Variants in GARIN1B observed in about 807,000 individuals in gnomAD.
The protein encoded by GARIN1B is golgi associated RAB2 interactor 1B, also known as Golgi-associated RAB2 interactor protein 1B.
the GARIN1B span, chr7:128,713,972 C>A: frequency 5.2e-6 from 8 of 1,525,148 alleles, no homozygotes; most frequent in Admixed American, 3.9e-5. Flanking sequence ...TGATCTAATC[C>A]TTAGAGAATG....
At chr7:128,726,986 C>G in the GARIN1B span, 1 of 865,980 alleles carries the variant, frequency 1.2e-6, no homozygotes. Flanking sequence ...TTGCCATTGT[C>G]CTTCCATGCC....
chr7:128,714,123 G>A, the GARIN1B span: 2 of 1,536,100 alleles, frequency 1.3e-6, no homozygotes, highest in East Asian at 2.4e-5. Context: ...AGGACTGATG[G>A]AATTGGATGG....
At chr7:128,710,473 C>G in the GARIN1B span, among the ~76,000 whole-genome samples, 1 of 152,112 alleles carries the variant, frequency 6.6e-6, no homozygotes, top group Admixed American at 6.6e-5. Flanking sequence ...ATCAACATAA[C>G]TATTTTCTAT....
chr7:128,721,909 A>AT, the GARIN1B span, among the ~76,000 whole-genome samples: 5 of 151,898 alleles, frequency 3.3e-5, no homozygotes, highest in South Asian at 2.1e-4. Context: ...ACATGAATTG[A>AT]TTTTTTTTAA....
At chr7:128,715,515 CA>C in the GARIN1B span, 1 of 1,614,142 alleles carries the variant, frequency 6.2e-7, no homozygotes, top group Non-Finnish European at 8.5e-7. Context: ...AGATCCTATC[CA>C]ACCTTCCCTT....
At chr7:128,716,377 A>G in the GARIN1B span, among the ~76,000 whole-genome samples, 3 of 152,114 alleles carry the variant, frequency 2.0e-5, no homozygotes, top group Non-Finnish European at 4.4e-5. Context: ...AAGAGGATAC[A>G]TTTTTCAAAG....
At chr7:128,718,663 A>C in the GARIN1B span, among the ~76,000 whole-genome samples, 2 of 152,222 alleles carry the variant, frequency 1.3e-5, no homozygotes, top group Non-Finnish European at 2.9e-5. Context: ...AAACAAGCTC[A>C]GCAGGTGTAT....
the GARIN1B span, among the ~76,000 whole-genome samples, chr7:128,719,697 CTTTT>C: frequency 1.0e-5 from 1 of 99,018 alleles, no homozygotes; most frequent in East Asian, 2.5e-4. Context: ...TTTTGTTTTG[CTTTT>C]TTTTTTTTTT....
chr7:128,724,461 A>G, the GARIN1B span, among the ~76,000 whole-genome samples: 1 of 152,150 alleles, frequency 6.6e-6, no homozygotes, highest in Non-Finnish European at 1.5e-5. Flanking sequence ...CGTTTTCTTA[A>G]TATAGAGTCT....
chr7:128,723,170 CT>C, the GARIN1B span: 2 of 1,588,418 alleles, frequency 1.3e-6, no homozygotes, highest in Non-Finnish European at 1.7e-6. Context: ...CCTTAACCAC[CT>C]GGTTCTGCTT....
the GARIN1B span, among the ~76,000 whole-genome samples, chr7:128,729,036 G>A: frequency 6.6e-6 from 1 of 152,206 alleles, no homozygotes; most frequent in African/African-American, 2.4e-5. Flanking sequence ...TCTGGGACTT[G>A]AGAAAACAGC....
At chr7:128,710,983 C>T in the GARIN1B span, among the ~76,000 whole-genome samples, 1 of 152,064 alleles carries the variant, frequency 6.6e-6, no homozygotes, top group Non-Finnish European at 1.5e-5. Context: ...CTTTGCTTAC[C>T]TCTTTCGGTC....
chr7:128,719,697 CTTTTTTTTTT>C, the GARIN1B span, among the ~76,000 whole-genome samples: 3 of 99,022 alleles, frequency 3.0e-5, no homozygotes, highest in African/African-American at 1.2e-4. Flanking sequence ...TTTTGTTTTG[CTTTTTTTTTT>C]TTTTTTTTTT....
At chr7:128,723,092 G>A in the GARIN1B span, 11 of 1,365,984 alleles carry the variant, frequency 8.1e-6, no homozygotes, top group African/African-American at 1.6e-4. Context: ...GCTGCACTTT[G>A]GAAAATTTTG....
the GARIN1B span, among the ~76,000 whole-genome samples, chr7:128,721,789 C>G: frequency 6.6e-6 from 1 of 152,046 alleles, no homozygotes; most frequent in African/African-American, 2.4e-5. Context: ...AAAGAGTTTT[C>G]TTTCTTTTCT....
the GARIN1B span, chr7:128,729,972 C>G: frequency 1.2e-6 from 2 of 1,614,172 alleles, no homozygotes; most frequent in East Asian, 2.2e-5. Flanking sequence ...CATTCACGTA[C>G]GGAGAGTGGG....
the GARIN1B span, chr7:128,731,243 A>C: frequency 2.9e-5 from 26 of 905,766 alleles, no homozygotes; most frequent in East Asian, 7.2e-5. Flanking sequence ...GAGTCATCTC[A>C]CGGTGACAGC....
At chr7:128,710,665 T>G in the GARIN1B span, among the ~76,000 whole-genome samples, 1 of 150,974 alleles carries the variant, frequency 6.6e-6, no homozygotes, top group Non-Finnish European at 1.5e-5. Context: ...TGAGTTTTTC[T>G]TGTTTCTTTT....
At chr7:128,726,392 GCT>G in the GARIN1B span, among the ~76,000 whole-genome samples, 1 of 152,162 alleles carries the variant, frequency 6.6e-6, no homozygotes. Flanking sequence ...CAGACATTTA[GCT>G]CTTTCTTGTT....
Sources: gnomAD v4.1 joint callset for allele counts (sites outside exome capture counted in the v4.1 genomes callset) on GRCh38, gnomAD v4.1.1 for gene constraint, MANE v1.5 for transcripts, NCBI Gene and HGNC (gene_info 2026-07-23, HGNC 2026-07-21) for gene names.